The following MIAT variants were observed in gnomAD, a reference collection of about 807,000 sequenced individuals.
The protein encoded by MIAT is MI related novel mRNA.
At chr22:26,665,405 C>A in intron 3 of MIAT, 1 of 398,428 alleles carries the variant, frequency 2.5e-6, no homozygotes, top group South Asian at 1.3e-4. Flanking sequence ...AAGACGGTGT[C>A]AGCTAAAGGT....
chr22:26,668,606 C>T, exon 6 of MIAT: 1 of 398,910 alleles, frequency 2.5e-6, no homozygotes, highest in Non-Finnish European at 4.4e-6. Context: ...TCTCAAAGGA[C>T]CCTACAGGAT....
chr22:26,648,556 TTTG>T (rs1272437478), intron 2 of MIAT, among the ~76,000 whole-genome samples: 58 of 101,622 alleles, frequency 5.7e-4, no homozygotes, highest in East Asian at 2.2e-3. Context: ...TTGATGGGGT[TTTG>T]TTTTTTTTTT....
downstream of MIAT, chr22:26,674,336 G>A (rs1245686336): frequency 2.5e-6 from 1 of 398,784 alleles, no homozygotes; most frequent in Non-Finnish European, 4.4e-6. Flanking sequence ...GGGGCAGGGA[G>A]CATACGCAAG....
downstream of MIAT, chr22:26,674,053 C>T: frequency 5.0e-6 from 2 of 398,650 alleles, no homozygotes; most frequent in East Asian, 3.6e-5. Flanking sequence ...TAGAGTCACC[C>T]TTCCCCAGGC....
intron 2 of MIAT, among the ~76,000 whole-genome samples, chr22:26,659,880 G>C (rs183086114): frequency 2.1e-4 from 27 of 130,236 alleles, no homozygotes. Flanking sequence ...TTTTTGCTCA[G>C]GCTGGAGTGC....
exon 6 of MIAT, chr22:26,669,145 C>A: frequency 2.5e-6 from 1 of 398,634 alleles, no homozygotes; most frequent in South Asian, 1.3e-4. Flanking sequence ...TTCCAGCTCC[C>A]TCCAGAGGAG....
downstream of MIAT, chr22:26,672,872 G>A (rs892390231): frequency 3.5e-5 from 14 of 398,538 alleles, no homozygotes; most frequent in South Asian, 1.3e-3. Context: ...TTTGAAGGCC[G>A]GAAAGAGGGA....
chr22:26,667,737 G>C (rs1930905733), intron 5 of MIAT: 1 of 171,782 alleles, frequency 5.8e-6, no homozygotes, highest in Non-Finnish European at 1.2e-5. Flanking sequence ...AGAGTACAGT[G>C]TTATGATCAC....
downstream of MIAT, chr22:26,672,968 A>G (rs189251940): frequency 8.3e-5 from 33 of 398,636 alleles, no homozygotes; most frequent in East Asian, 1.1e-3. Flanking sequence ...TGGAGCCGAG[A>G]GAGGCCGGTT....
At chr22:26,656,399 A>G (rs964653573) in intron 2 of MIAT, among the ~76,000 whole-genome samples, 2 of 147,904 alleles carry the variant, frequency 1.4e-5, no homozygotes, top group African/African-American at 5.0e-5. Context: ...ACCTCGGCTC[A>G]CTGCAACCTC....
At chr22:26,669,632 C>A (rs1930973005) in exon 6 of MIAT, 1 of 398,582 alleles carries the variant, frequency 2.5e-6, no homozygotes, top group African/African-American at 2.1e-5. Flanking sequence ...GGACACCATT[C>A]AGTTCTTAAC....
At chr22:26,651,892 T>G (rs1356985228) in intron 2 of MIAT, among the ~76,000 whole-genome samples, 1 of 152,234 alleles carries the variant, frequency 6.6e-6, no homozygotes, top group East Asian at 1.9e-4. Context: ...TGGAACTAGC[T>G]AGACCTGGTG....
At chr22:26,649,657 G>A (rs980562785) in intron 2 of MIAT, among the ~76,000 whole-genome samples, 1 of 152,232 alleles carries the variant, frequency 6.6e-6, no homozygotes, top group Admixed American at 6.5e-5. Context: ...GCTCACGCCT[G>A]TAATCCCAGC....
chr22:26,672,792 T>C, downstream of MIAT: 1 of 398,660 alleles, frequency 2.5e-6, no homozygotes, highest in Non-Finnish European at 4.4e-6. Context: ...AAGCGGGTCT[T>C]TCCTACGCTA....
chr22:26,666,175 A>T, exon 4 of MIAT: 1 of 398,588 alleles, frequency 2.5e-6, no homozygotes, highest in Non-Finnish European at 4.4e-6. Context: ...GACTCTCCTG[A>T]CTCAGGTCTG....
intron 3 of MIAT, among the ~76,000 whole-genome samples, chr22:26,664,005 CTTTTTTTTTTTTTT>C (rs202155948): frequency 8.6e-6 from 1 of 116,256 alleles, no homozygotes; most frequent in Non-Finnish European, 1.7e-5. Context: ...CTGTGTTCAG[CTTTTTTTTTTTTTT>C]TTTTTTTTTT....
At chr22:26,652,515 A>G (rs1930353673) in intron 2 of MIAT, among the ~76,000 whole-genome samples, 1 of 151,806 alleles carries the variant, frequency 6.6e-6, no homozygotes. Context: ...CGCCACCATG[A>G]CCGGCTAATT....
chr22:26,672,660 C>A, downstream of MIAT: 1 of 398,964 alleles, frequency 2.5e-6, no homozygotes, highest in Non-Finnish European at 4.4e-6. Flanking sequence ...CAGGAAGTCA[C>A]GAGGGGGGCG....
exon 6 of MIAT, chr22:26,669,346 C>T: frequency 2.5e-6 from 1 of 398,688 alleles, no homozygotes; most frequent in Non-Finnish European, 4.4e-6. Flanking sequence ...CTGGAAAGTC[C>T]AGATCAAGGT....
Sources: gnomAD v4.1 joint callset for allele counts (sites outside exome capture counted in the v4.1 genomes callset) on GRCh38, gnomAD v4.1.1 for gene constraint, MANE v1.5 for transcripts, NCBI Gene and HGNC (gene_info 2026-07-23, HGNC 2026-07-21) for gene names.